Variants in MACO1 observed in about 807,000 individuals in gnomAD.
MACO1 encodes the protein macoilin 1, also known as macoilin.
A neutral mutation model predicts 78.7 loss-of-function variants in MACO1; 14 were observed. The observed-to-expected ratio is 0.18, with a 90% CI of 0.12 to 0.28. The LOEUF is 0.28. MACO1 is among the 10% of genes least tolerant of loss of function. The probability of loss-of-function intolerance (pLI) is 1.00; values close to 1 mark genes in which losing one functional copy is unlikely to be tolerated. For missense variants in MACO1, 501 were observed against 799.0 expected (o/e 0.63, Z 4.50); for synonymous variants, 288 against 291.6 (o/e 0.99, Z 0.12).
Position 25,430,917 on chromosome 1 carries a change from G to A in MACO1, c.-182G>A. 4.2e-6 allele frequency: 2 copies of A among 471,568 alleles called. No homozygotes were observed. The highest frequency in any genetic ancestry group is 5.4e-5 in the South Asian group (2 of 36,868). 29.2% of individuals were successfully genotyped at this position (471,568 alleles called of 1,614,324 possible). ...GAATTGTCATTTCTTTGTTTCCGAA[G>A]GCGGAGGAGGCTCCGAGCCCCCCCT... On this transcript the variant is annotated 5_prime_UTR_variant, in exon 1 of 11. Coordinates refer to ENST00000374343, the MANE Select transcript of MACO1 (RefSeq NM_018202.6).
chr1:25,472,365 G>GCCC (rs1413155827), intron 6 of MACO1, among the ~76,000 whole-genome samples: 1 of 141,788 alleles, frequency 7.1e-6, no homozygotes, highest in African/African-American at 2.6e-5. Context: ...CCCGCCCCTA[G>GCCC]CCCCCCACCC....
At chr1:25,479,898 ACT>A in intron 6 of MACO1, among the ~76,000 whole-genome samples, 1 of 152,298 alleles carries the variant, frequency 6.6e-6, no homozygotes, top group Non-Finnish European at 1.5e-5. Context: ...TATATGTGGT[ACT>A]CTCTCACCAA....
Position 25,431,081 on chromosome 1 carries a change from C to A in MACO1, c.-18C>A. 1 of 1,571,650 alleles carries A rather than the reference C, an allele frequency of 6.4e-7. No homozygotes were observed. The highest frequency in any genetic ancestry group is 2.4e-5 in the East Asian group (1 of 41,668). ...AGACGGCGGCGGCGGCGCGGGCACC[C>A]GGCCCCCCAGCGGGAGGATGAAGCG... On this transcript the variant is annotated 5_prime_UTR_variant, in exon 1 of 11. Transcript: ENST00000374343.
chr1:25,432,571 C>T (rs543247614), intron 1 of MACO1, among the ~76,000 whole-genome samples: 14 of 152,302 alleles, frequency 9.2e-5, no homozygotes, highest in Admixed American at 7.2e-4. Context: ...ACTGTGAAAG[C>T]AAACAATTTT....
At chr1:25,451,854 T>C (rs1462804401) in intron 3 of MACO1, among the ~76,000 whole-genome samples, 1 of 149,620 alleles carries the variant, frequency 6.7e-6, no homozygotes, top group East Asian at 2.0e-4. Context: ...TGCAGTGAGC[T>C]GAGATTGCAC....
rs1008867053 is a variant in MACO1 at position 25,500,084 on chromosome 1, C to T, written c.*1618C>T. 10 of 151,136 alleles carry T rather than the reference C, an allele frequency of 6.6e-5. No individual in the cohort carries two copies. The highest frequency in any genetic ancestry group is 1.5e-4 in the Non-Finnish European group (10 of 67,908). The allele number at this position is 151,136 out of a possible 1,614,324, so 9.4% of individuals were successfully genotyped here. Reference sequence around the variant, plus strand: ...CAAAAACATGGAAAATTGTCACTGACTTTGTTTTGAGGTTTCCCCCATTTT... The same window carrying T: ...CAAAAACATGGAAAATTGTCACTGATTTTGTTTTGAGGTTTCCCCCATTTT... On this transcript the variant is annotated 3_prime_UTR_variant, in exon 11 of 11. Coordinates refer to ENST00000374343, the MANE Select transcript of MACO1 (RefSeq NM_018202.6).
intron 1 of MACO1, among the ~76,000 whole-genome samples, chr1:25,443,731 C>T (rs2042991519): frequency 6.6e-6 from 1 of 152,160 alleles, no homozygotes; most frequent in Non-Finnish European, 1.5e-5. Flanking sequence ...GTTGCCATGG[C>T]AGGATCTGAC....
At chr1:25,432,946 G>A (rs955499640) in intron 1 of MACO1, among the ~76,000 whole-genome samples, 3 of 152,190 alleles carry the variant, frequency 2.0e-5, no homozygotes, top group African/African-American at 7.2e-5. Flanking sequence ...ATGTGAAGAA[G>A]TGAATTCATC....
intron 6 of MACO1, among the ~76,000 whole-genome samples, chr1:25,481,550 C>T (rs574385313): frequency 6.6e-6 from 1 of 152,324 alleles, no homozygotes; most frequent in East Asian, 1.9e-4. Context: ...AATCCTCAGA[C>T]TGTGAAATCA....
intron 6 of MACO1, among the ~76,000 whole-genome samples, chr1:25,466,880 A>G (rs751797899): frequency 1.3e-5 from 2 of 152,112 alleles, no homozygotes; most frequent in Non-Finnish European, 2.9e-5. Context: ...CACTTAAATT[A>G]TATAAAAATC....
At chr1:25,453,271 CT>C (rs1005685033) in intron 3 of MACO1, among the ~76,000 whole-genome samples, 54 of 151,610 alleles carry the variant, frequency 3.6e-4, no homozygotes, top group African/African-American at 1.1e-3. Context: ...TCCCAAAGTG[CT>C]GGGATTACAG....
chr1:25,436,139 T>C (rs562070429), intron 1 of MACO1, among the ~76,000 whole-genome samples: 8 of 152,350 alleles, frequency 5.3e-5, no homozygotes, highest in Non-Finnish European at 1.2e-4. Flanking sequence ...TTGATCTTAA[T>C]GGTAGGTTTA....
chr1:25,459,191 G>A (rs1030162669), intron 6 of MACO1, among the ~76,000 whole-genome samples: 1 of 151,960 alleles, frequency 6.6e-6, no homozygotes, highest in Non-Finnish European at 1.5e-5. Context: ...GTCCTTTTCT[G>A]TTTGCATGTC....
At chr1:25,480,913 T>TAAAAAAAAAAAAAAAAAAA (rs759266355) in intron 6 of MACO1, among the ~76,000 whole-genome samples, 1 of 16,238 alleles carries the variant, frequency 6.2e-5, no homozygotes, top group Non-Finnish European at 1.0e-4. Context: ...GAGACTTGGT[T>TAAAAAAAAAAAAAAAAAAA]AAAAAAAAAA....
At chr1:25,457,892 G>A (rs1280156730) in intron 5 of MACO1, among the ~76,000 whole-genome samples, 2 of 152,158 alleles carry the variant, frequency 1.3e-5, no homozygotes, top group Non-Finnish European at 2.9e-5. Context: ...CTCAACACTA[G>A]AGTCCAGAAA....
intron 1 of MACO1, among the ~76,000 whole-genome samples, chr1:25,435,226 C>T (rs1232550428): frequency 1.3e-5 from 2 of 152,074 alleles, no homozygotes; most frequent in East Asian, 3.9e-4. Flanking sequence ...AGACTGCTTC[C>T]TGTCTTCATG....
intron 3 of MACO1, among the ~76,000 whole-genome samples, chr1:25,452,847 C>T (rs2043079723): frequency 6.6e-6 from 1 of 151,632 alleles, no homozygotes; most frequent in Non-Finnish European, 1.5e-5. Context: ...CAGGTGTGCA[C>T]CACCATGCCC....
chr1:25,491,373 C>A, intron 9 of MACO1, 37 bp from the exon 10 acceptor site: 1 of 1,609,386 alleles, frequency 6.2e-7, no homozygotes. Context: ...GATGCCAAAA[C>A]TACCTTGTAG....
intron 6 of MACO1, among the ~76,000 whole-genome samples, chr1:25,468,882 T>C (rs938288990): frequency 2.6e-5 from 4 of 152,230 alleles, no homozygotes; most frequent in Non-Finnish European, 4.4e-5. Context: ...GGAGTCTCAC[T>C]CTGTCGCCCA....
Sources: allele counts gnomAD v4.1 joint callset (sites outside exome capture counted in the v4.1 genomes callset), GRCh38; gene constraint gnomAD v4.1.1; transcripts MANE v1.5; gene names NCBI Gene and HGNC (gene_info 2026-07-23, HGNC 2026-07-21).